FCRL6: variants seen among roughly 807,000 people sequenced by gnomAD.
FCRL6 encodes Fc receptor-like protein 6.
FCRL6 carries 50 observed loss-of-function variants against 49.1 expected under a neutral mutation model. That is an observed-to-expected ratio of 1.02 (90% CI 0.81 to 1.29). The LOEUF (loss-of-function observed/expected upper bound fraction) is 1.29. Among genes scored for constraint, FCRL6 ranks in the 50% most tolerant of loss-of-function variants. The pLI is 0.00. For synonymous variants in FCRL6, 213 were observed against 199.6 expected (o/e 1.07, Z -0.57); for missense variants, 571 against 518.5 (o/e 1.10, Z -0.98).
intron 1 of FCRL6, 112 bp from the exon 2 acceptor site, chr1:159,806,484 G>T (rs1662691044): frequency 2.2e-6 from 2 of 917,172 alleles, no homozygotes; most frequent in Non-Finnish European, 3.7e-6. Flanking sequence ...AGGTTTGGTG[G>T]CCGGGTGGTT....
chr1:159,815,468 G>A lies in FCRL6; in HGVS notation c.1179+9G>A, dbSNP rs1663343363. 1.2e-6 allele frequency: 2 copies of A among 1,613,724 alleles called. No homozygotes were observed. Among genetic ancestry groups the A allele is most frequent in the South Asian group, 2.2e-5 (2 of 91,048 alleles). ...TCACCGTGGGGAGAAAGGTGAGCTG[G>A]GATCCCTGCTCCTTTCTCACCCTCT... is the stretch of plus-strand genomic sequence containing the variant. On this transcript the variant is annotated intron_variant, in intron 9 of 9. Coordinates refer to ENST00000368106, the MANE Select transcript of FCRL6 (RefSeq NM_001004310.3).
At chr1:159,805,060 G>A (rs896949117) in intron 1 of FCRL6, among the ~76,000 whole-genome samples, 1 of 152,200 alleles carries the variant, frequency 6.6e-6, no homozygotes, top group Non-Finnish European at 1.5e-5. Context: ...AGGTCGTACA[G>A]AAAGAGGCAA....
intron 4 of FCRL6, 55 bp downstream of exon 4, chr1:159,809,300 G>A: frequency 6.6e-7 from 1 of 1,525,476 alleles, no homozygotes; most frequent in Non-Finnish European, 8.8e-7. Flanking sequence ...CAGGCAGTGG[G>A]ATCCCCTGGG....
chr1:159,809,397 C>T lies in FCRL6; in HGVS notation c.605-5C>T. 1.3e-6 allele frequency: 2 copies of T among 1,585,182 alleles called. No individual in the cohort carries two copies. The highest frequency in any genetic ancestry group is 2.7e-5 in the African/African-American group (2 of 74,580). ...GCTGAGCCTCCCACCCCATGTGTGT[C>T]CCAGCTCCTGTATCCCGTCCTGTGC... On this transcript the variant is annotated splice_polypyrimidine_tract_variant and splice_region_variant and intron_variant, in intron 4 of 9. Transcript: ENST00000368106.
chr1:159,805,081 C>G (rs1027715952), intron 1 of FCRL6, among the ~76,000 whole-genome samples: 1 of 152,216 alleles, frequency 6.6e-6, no homozygotes, highest in East Asian at 1.9e-4. Context: ...ATTCATGACT[C>G]AAGTCCAGGT....
At chr1:159,806,675 GA>G in intron 2 of FCRL6, 59 bp downstream of exon 2, 1 of 1,555,518 alleles carries the variant, frequency 6.4e-7, no homozygotes, top group African/African-American at 1.4e-5. Context: ...AAACTTACTG[GA>G]TGGGAACAGG....
chr1:159,805,408 T>C (rs997936727), intron 1 of FCRL6, among the ~76,000 whole-genome samples: 1 of 152,108 alleles, frequency 6.6e-6, no homozygotes, highest in Non-Finnish European at 1.5e-5. Context: ...ATGCCAGCAA[T>C]GCAGGACACA....
intron 6 of FCRL6, 99 bp downstream of exon 6, chr1:159,810,315 TCTC>T: frequency 7.0e-7 from 1 of 1,432,764 alleles, no homozygotes; most frequent in Non-Finnish European, 9.4e-7. Flanking sequence ...GCCACTCTCT[TCTC>T]CTGGGTGTGG....
intron 1 of FCRL6, among the ~76,000 whole-genome samples, chr1:159,805,199 C>T (rs1198565783): frequency 1.3e-5 from 2 of 152,140 alleles, no homozygotes; most frequent in African/African-American, 4.8e-5. Flanking sequence ...TCTGCACACT[C>T]TTGAGAGCAT....
At chr1:159,801,876 G>C (rs559586978), upstream of FCRL6, among the ~76,000 whole-genome samples, 1 of 152,126 alleles carries the variant, frequency 6.6e-6, no homozygotes, top group African/African-American at 2.4e-5. Flanking sequence ...ATTCCCTCCT[G>C]AACTGAGGAT....
chr1:159,813,183 A>T (rs1663184851), intron 6 of FCRL6, among the ~76,000 whole-genome samples: 1 of 152,232 alleles, frequency 6.6e-6, no homozygotes. Flanking sequence ...CAAAGTTATT[A>T]GCTTTTTTCC....
chr1:159,809,253 C>T lies in FCRL6; in HGVS notation c.604+8C>T, dbSNP rs778703492. The T allele has an allele frequency of 5.2e-6, 8 of 1,542,888 alleles. No individual in the cohort carries two copies. Among genetic ancestry groups the T allele is most frequent in the South Asian group, 3.8e-5 (3 of 78,316 alleles). ...TGGAGGTCAGAGTGCAGGGTAAGTG[C>T]GCGAGAGAGTGGAGATGCCCCCAGG... On this transcript the variant is annotated splice_region_variant and intron_variant, in intron 4 of 9. Coordinates refer to ENST00000368106, the MANE Select transcript of FCRL6 (RefSeq NM_001004310.3).
rs1663351814 is a variant in FCRL6 at position 159,815,533 on chromosome 1, C to T, written c.1180-3C>T. 5 of 1,614,204 alleles carry T rather than the reference C, an allele frequency of 3.1e-6. No homozygotes were observed. Among genetic ancestry groups the T allele is most frequent in the Non-Finnish European group, 4.2e-6 (5 of 1,180,026 alleles). On this transcript the variant is annotated splice_polypyrimidine_tract_variant and splice_region_variant and intron_variant, in intron 9 of 9. Coordinates refer to ENST00000368106, the MANE Select transcript of FCRL6 (RefSeq NM_001004310.3). Reference sequence around the variant, plus strand: ...TCCTCATCCTGAGCCAACTCTTCCACAGGACAGTTCTATCATCTGTGCGGA... The same window carrying T: ...TCCTCATCCTGAGCCAACTCTTCCATAGGACAGTTCTATCATCTGTGCGGA...
In FCRL6 at chr1:159,803,836, C is replaced by T. The variant is rs114580632; in HGVS notation, c.31+1381C>T. 7.4e-3 allele frequency among the ~76,000 whole-genome samples: 1,120 copies of T among 152,264 alleles called. 10 individuals carry two copies. Among genetic ancestry groups the T allele is most frequent in the African/African-American group, 0.025 (1,045 of 41,556 alleles). On this transcript the variant is annotated intron_variant, in intron 1 of 9. Transcript: ENST00000368106. Reference sequence around the variant, plus strand: ...TGCTCAGGGACCCTGGAAAAACAGCCTAAAACACAGACACTGGGGCTGGGT... The same window carrying T: ...TGCTCAGGGACCCTGGAAAAACAGCTTAAAACACAGACACTGGGGCTGGGT...
chr1:159,812,323 T>A (rs1467146765), intron 6 of FCRL6, among the ~76,000 whole-genome samples: 1 of 152,190 alleles, frequency 6.6e-6, no homozygotes, highest in Non-Finnish European at 1.5e-5. Context: ...CTCACAACCA[T>A]TTCCAAATAG....
At chr1:159,811,576 C>G (rs948328962) in intron 6 of FCRL6, among the ~76,000 whole-genome samples, 4 of 152,216 alleles carry the variant, frequency 2.6e-5, no homozygotes, top group African/African-American at 9.6e-5. Context: ...AGTCCCAACA[C>G]TCTGCCTCAC....
In FCRL6 at chr1:159,808,689, G is replaced by C. The variant is rs1662876205; in HGVS notation, c.319+245G>C. ...GGAAGGGGGCACTGGGAAGACCCTG[G>C]ACCAGTCCAGGCTCACCCTTCCCCT... On this transcript the variant is annotated intron_variant, in intron 3 of 9. Coordinates refer to ENST00000368106, the MANE Select transcript of FCRL6 (RefSeq NM_001004310.3). 50 of 615,192 alleles carry C rather than the reference G, an allele frequency of 8.1e-5. No individual in the cohort carries two copies. In the South Asian group the frequency reaches 9.1e-4, roughly 11 times the overall value. The allele number at this position is 615,192 out of a possible 1,614,324, so 38.1% of individuals were successfully genotyped here.
rs1440706893 is a variant in FCRL6, at chr1:159,809,419, G to A, written c.622G>A (p.Val208Met). 8 of 1,609,600 alleles carry A rather than the reference G, an allele frequency of 5.0e-6. No individual in the cohort carries two copies. Among genetic ancestry groups the A allele is most frequent in the Non-Finnish European group, 6.8e-6 (8 of 1,177,334 alleles). ...VRVQAPVSRP[V>M]LTLHHGPADP... The stretch of plus-strand genomic sequence containing the variant: ...TGTCCCAGCTCCTGTATCCCGTCCT[G>A]TGCTCACTCTGCACCACGGGCCTGC... Residue 208 changes from valine to methionine, a missense_variant, in exon 5 of 10, where the codon GTG becomes ATG. Coordinates refer to ENST00000368106, the MANE Select transcript of FCRL6 (RefSeq NM_001004310.3).
intron 2 of FCRL6, 152 bp from the exon 3 acceptor site, chr1:159,808,026 G>T: frequency 1.3e-6 from 1 of 761,072 alleles, no homozygotes; most frequent in East Asian, 2.6e-5. Context: ...GCCCTTCTCT[G>T]GTCGGCATGA....
Sources: allele counts gnomAD v4.1 joint callset (sites outside exome capture counted in the v4.1 genomes callset), GRCh38; gene constraint gnomAD v4.1.1; transcripts MANE v1.5; gene names NCBI Gene and HGNC (gene_info 2026-07-23, HGNC 2026-07-21).